The following PLEKHA1 variants were observed in gnomAD, a reference collection of about 807,000 sequenced individuals.
The protein encoded by PLEKHA1 is pleckstrin homology domain containing A1, also known as pleckstrin homology domain-containing family A member 1.
A neutral mutation model predicts 52.0 loss-of-function variants in PLEKHA1; 34 were observed. The ratio of observed to expected loss-of-function variants is 0.65; its 90% CI spans 0.50 to 0.87. The LOEUF (loss-of-function observed/expected upper bound fraction) is 0.87. Ranked by LOEUF, PLEKHA1 falls within the 40% of genes least tolerant of loss-of-function variation. The probability of loss-of-function intolerance (pLI) is 0.00; values close to 1 mark genes in which losing one functional copy is unlikely to be tolerated. For missense variants in PLEKHA1, 497 were observed against 504.2 expected (o/e 0.99, Z 0.14); for synonymous variants, 163 against 170.7 (o/e 0.95, Z 0.35).
At chr10:122,395,550 A>G (rs2134085110) in intron 2 of PLEKHA1, among the ~76,000 whole-genome samples, 1 of 152,242 alleles carries the variant, frequency 6.6e-6, no homozygotes, top group African/African-American at 2.4e-5. Flanking sequence ...AATTAGATTG[A>G]ACCATATGAA....
At chr10:122,426,884 G>T (rs2133615940) in intron 10 of PLEKHA1, 58 bp from the exon 11 acceptor site, 1 of 1,367,374 alleles carries the variant, frequency 7.3e-7, no homozygotes, top group South Asian at 1.2e-5. Flanking sequence ...TACATTGGCT[G>T]TATAGAAGTA....
chr10:122,395,670 C>A (rs2096840692), intron 2 of PLEKHA1, among the ~76,000 whole-genome samples: 1 of 151,900 alleles, frequency 6.6e-6, no homozygotes. Flanking sequence ...ATCATAATAA[C>A]CTTGGTAAAG....
chr10:122,378,829 G>GT (rs112141229), intron 1 of PLEKHA1, among the ~76,000 whole-genome samples: 4 of 151,600 alleles, frequency 2.6e-5, no homozygotes, highest in East Asian at 3.9e-4. Flanking sequence ...CAATTTAAAG[G>GT]TTTTTTTTCC....
intron 1 of PLEKHA1, among the ~76,000 whole-genome samples, chr10:122,389,099 A>G (rs1323780189): frequency 6.6e-6 from 1 of 152,240 alleles, no homozygotes; most frequent in African/African-American, 2.4e-5. Flanking sequence ...AACAGCATCT[A>G]GAATGATGAA....
Position 122,427,040 on chromosome 10 carries a change from C to T in PLEKHA1, c.900+9C>T, listed in dbSNP as rs573234934. 2.5e-6 allele frequency: 4 copies of T among 1,609,806 alleles called. No individual in the cohort carries two copies. The South Asian group carries it at 3.3e-5, about 13-fold the overall frequency. ...GCAGATCTGCGTCTTCTGTAGGTTT[C>T]CTGCTCTCTGGGGTGATACTCCCTT... On this transcript the variant is annotated intron_variant, in intron 11 of 11. Transcript: ENST00000368990.
intron 3 of PLEKHA1, among the ~76,000 whole-genome samples, chr10:122,398,588 TG>T (rs1245631553): frequency 1.4e-5 from 1 of 73,858 alleles, no homozygotes; most frequent in Non-Finnish European, 3.3e-5. Context: ...GCTAACCCTA[TG>T]GGTTTGTGTG....
rs141676803 is a variant in PLEKHA1 at position 122,388,767 on chromosome 10, A to G, written c.-20-4414A>G. On this transcript the variant is annotated intron_variant, in intron 1 of 11. Transcript: ENST00000368990. Reference sequence around the variant, plus strand: ...TTTGCTAGTGGAGAGTTTTAACTCAATGTTGGTGGCTGCTGACTGATTAGG... The same window carrying G: ...TTTGCTAGTGGAGAGTTTTAACTCAGTGTTGGTGGCTGCTGACTGATTAGG... Among the ~76,000 whole-genome samples, 612 of 152,326 alleles carry G rather than the reference A, an allele frequency of 4.0e-3. 3 individuals are homozygous for G. Among genetic ancestry groups the G allele is most frequent in the African/African-American group, 0.014 (580 of 41,566 alleles).
In PLEKHA1 at chr10:122,397,950, C is replaced by T. The variant is rs1210712297; in HGVS notation, c.174C>T (p.Ala58=). ...NLPSGSSRVG[A]IKLTYISKVS... Reference sequence around the variant, plus strand: ...CTTCTGGATCATCACGTGTTGGAGCCATTAAGCTTACCTACATTTCAAAGG... The same window carrying T: ...CTTCTGGATCATCACGTGTTGGAGCTATTAAGCTTACCTACATTTCAAAGG... The change falls in exon 3 of 12, where the codon GCC becomes GCT. Residue 58 remains alanine, a synonymous_variant. Transcript: ENST00000368990. The T allele has an allele frequency of 2.5e-6, 4 of 1,609,062 alleles. No individual in the cohort carries two copies. Among genetic ancestry groups the T allele is most frequent in the Non-Finnish European group, 3.4e-6 (4 of 1,176,284 alleles).
chr10:122,394,069 C>CTTTT lies in PLEKHA1; in HGVS notation c.141+751_141+754dup, dbSNP rs796831792. Among the ~76,000 whole-genome samples, 792 of 97,202 alleles carry CTTTT rather than the reference C, an allele frequency of 8.1e-3. 104 individuals carry two copies. The highest frequency in any genetic ancestry group is 0.013 in the Non-Finnish European group (583 of 45,286). The allele number at this position is 97,202 out of a possible 152,430, so 63.8% of individuals were successfully genotyped here. The stretch of plus-strand genomic sequence containing the variant: ...AGTTTTAAACTTTCAACTTTCTCTA[C>CTTTT]TTTTTTTTTTTTTTTTTTTTTTTTT... On this transcript the variant is annotated intron_variant, in intron 2 of 11. Transcript: ENST00000368990.
chr10:122,393,076 T>C lies in PLEKHA1; in HGVS notation c.-20-105T>C. 1 of 815,094 alleles carries C rather than the reference T, an allele frequency of 1.2e-6. No homozygotes were observed. The highest frequency in any genetic ancestry group is 1.7e-5 in the African/African-American group (1 of 57,500). 50.5% of individuals were successfully genotyped at this position (815,094 alleles called of 1,614,324 possible). ...TGGTGTGTGTTCATTTTAATTGACCTTACCTAATGTTGGCAAGTTGCCCCC... is the reference window on the plus strand; with the variant it reads ...TGGTGTGTGTTCATTTTAATTGACCCTACCTAATGTTGGCAAGTTGCCCCC... On this transcript the variant is annotated intron_variant, in intron 1 of 11. Coordinates refer to ENST00000368990, the MANE Select transcript of PLEKHA1 (RefSeq NM_001001974.4). This position sits in a 1 kb window ranked among gnomAD's most constrained non-coding sequence, Gnocchi z 4.5.
intron 1 of PLEKHA1, among the ~76,000 whole-genome samples, chr10:122,380,479 A>G (rs1382410098): frequency 6.6e-6 from 1 of 152,232 alleles, no homozygotes; most frequent in Non-Finnish European, 1.5e-5. Flanking sequence ...TTTAGATAAG[A>G]TCTAAAAGGC....
chr10:122,420,592 AG>A (rs2097246263), intron 8 of PLEKHA1: 1 of 152,232 alleles, frequency 6.6e-6, no homozygotes, highest in Non-Finnish European at 1.5e-5. Context: ...TAAGTATAAA[AG>A]ACTTAAGTGC....
At chr10:122,428,371 G>C (rs2097370594) in intron 11 of PLEKHA1, 1 of 1,542,982 alleles carries the variant, frequency 6.5e-7, no homozygotes, top group Admixed American at 2.0e-5. Flanking sequence ...ACGCAAACGT[G>C]CCTTCTTAGT....
rs567968216 is a variant in PLEKHA1, at chr10:122,396,146, T to G, written c.142-1772T>G. On this transcript the variant is annotated intron_variant, in intron 2 of 11. Coordinates refer to ENST00000368990, the MANE Select transcript of PLEKHA1 (RefSeq NM_001001974.4). ...ACTATTACTGTGACACTTTATGTCA[T>G]GCTTTGGTTTCTCATTTGTCTTCCT... is the stretch of plus-strand genomic sequence containing the variant. Among the ~76,000 whole-genome samples, 6 of 152,222 alleles carry G rather than the reference T, an allele frequency of 3.9e-5. No individual in the cohort carries two copies. The South Asian group carries it at 1.0e-3, about 26-fold the overall frequency.
chr10:122,422,672 C>G (rs879716184), intron 8 of PLEKHA1: 1 of 152,220 alleles, frequency 6.6e-6, no homozygotes, highest in Non-Finnish European at 1.5e-5. Flanking sequence ...ATGGTATGAT[C>G]CTGGATTTAA....
chr10:122,386,307 A>T (rs2096696228), intron 1 of PLEKHA1, among the ~76,000 whole-genome samples: 1 of 12,028 alleles, frequency 8.3e-5, no homozygotes, highest in African/African-American at 1.7e-4. Flanking sequence ...GTGTGTTCCA[A>T]GTTTTTTTTT....
At chr10:122,421,723 A>G (rs2097262549) in intron 8 of PLEKHA1, 1 of 152,216 alleles carries the variant, frequency 6.6e-6, no homozygotes. Context: ...TAAAAATTAA[A>G]ATAGGTCTTA....
intron 5 of PLEKHA1, 31 bp downstream of exon 5, chr10:122,406,704 C>T (rs200035539): frequency 2.1e-6 from 3 of 1,446,074 alleles, no homozygotes; most frequent in East Asian, 4.6e-5. Context: ...GAAAAACGTT[C>T]GATGTCTGGA....
rs375335198 is a variant in PLEKHA1 at position 122,397,621 on chromosome 10, G to A, written c.142-297G>A. ...CCCCTTGCTTTCAGGAACAAAATCT[G>A]ATCTTGTTCATGGCTTTTTAAGCTC... On this transcript the variant is annotated intron_variant, in intron 2 of 11. Transcript: ENST00000368990. Among the ~76,000 whole-genome samples, 4 of 152,132 alleles carry A rather than the reference G, an allele frequency of 2.6e-5. No individual in the cohort carries two copies. In the East Asian group the frequency reaches 5.8e-4, roughly 22 times the overall value.
Sources: allele counts gnomAD v4.1 joint callset (sites outside exome capture counted in the v4.1 genomes callset), GRCh38; gene constraint gnomAD v4.1.1; non-coding constraint Gnocchi (gnomAD v3.1); transcripts MANE v1.5; gene names NCBI Gene and HGNC (gene_info 2026-07-23, HGNC 2026-07-21).